The following ADCK1 variants were observed in gnomAD, a reference collection of about 807,000 sequenced individuals.
ADCK1 encodes aarF domain containing kinase 1.
A neutral mutation model predicts 52.3 loss-of-function variants in ADCK1; 41 were observed. That is an observed-to-expected ratio of 0.78 (90% CI 0.61 to 1.02). The LOEUF (loss-of-function observed/expected upper bound fraction) is 1.02. Ranked by LOEUF, ADCK1 falls within the 50% of genes least tolerant of loss-of-function variation. ADCK1 has a pLI of 0.00. For missense variants in ADCK1, 658 were observed against 679.5 expected (o/e 0.97, Z 0.35); for synonymous variants, 250 against 274.6 (o/e 0.91, Z 0.89).
At chr14:77,912,294 C>T (rs556102971) in intron 7 of ADCK1, among the ~76,000 whole-genome samples, 1 of 152,296 alleles carries the variant, frequency 6.6e-6, no homozygotes, top group South Asian at 2.1e-4. Context: ...CTATGGGCCA[C>T]TATGGTGCTC....
rs369198409 is a variant in ADCK1, at chr14:77,871,358, ACTT to A, written c.423+12086_423+12088del. 8.0e-3 allele frequency among the ~76,000 whole-genome samples: 1,214 copies of A among 151,780 alleles called. 7 individuals carry two copies. The highest frequency in any genetic ancestry group is 0.013 in the Non-Finnish European group (889 of 67,916). On this transcript the variant is annotated intron_variant, in intron 4 of 10. Coordinates refer to ENST00000238561, the MANE Select transcript of ADCK1 (RefSeq NM_020421.4). ...TATTCATTCATACACCAACTTCCTAACTTCTTCTTTTTTTTTTGAGACAGAGTC... is the reference window on the plus strand; with the variant it reads ...TATTCATTCATACACCAACTTCCTAACTTCTTTTTTTTTTGAGACAGAGTC...
In ADCK1 at chr14:77,864,096, C is replaced by T. The variant is rs572869951; in HGVS notation, c.423+4817C>T. Among the ~76,000 whole-genome samples, 6 of 152,266 alleles carry T rather than the reference C, an allele frequency of 3.9e-5. No homozygotes were observed. In the South Asian group the frequency reaches 1.2e-3, roughly 32 times the overall value. On this transcript the variant is annotated intron_variant, in intron 4 of 10. Coordinates refer to ENST00000238561, the MANE Select transcript of ADCK1 (RefSeq NM_020421.4). ...CCTCCCAGGGGAACTTATTTTACAG[C>T]TCCCCATAGTACGTAGGGACAAGCG...
rs1456794192 is a variant in ADCK1 at position 77,818,970 on chromosome 14, T to A, written c.-9T>A. The A allele has an allele frequency of 6.2e-6, 10 of 1,613,324 alleles. No individual in the cohort carries two copies. Among genetic ancestry groups the A allele is most frequent in the Non-Finnish European group, 8.5e-6 (10 of 1,179,718 alleles). ...CTCAACTTTCCTTTTTTCTGCAGGA[T>A]CTGGCGACATGGCCAGAAAGGCTCT... On this transcript the variant is annotated splice_region_variant and 5_prime_UTR_variant, in exon 2 of 11. Coordinates refer to ENST00000238561, the MANE Select transcript of ADCK1 (RefSeq NM_020421.4).
chr14:77,852,938 A>G (rs1415318985), intron 3 of ADCK1, among the ~76,000 whole-genome samples: 6 of 30,556 alleles, frequency 2.0e-4, no homozygotes, highest in East Asian at 6.5e-4. Context: ...TTTTAGAGAC[A>G]GGGTCTTGCT....
intron 7 of ADCK1, among the ~76,000 whole-genome samples, chr14:77,912,654 A>G (rs1203830854): frequency 6.6e-6 from 1 of 152,020 alleles, no homozygotes; most frequent in Non-Finnish European, 1.5e-5. Context: ...ACAGGGGCGA[A>G]AGTCTTACTC....
At chr14:77,834,311 C>T (rs1430505556) in intron 3 of ADCK1, among the ~76,000 whole-genome samples, 1 of 152,156 alleles carries the variant, frequency 6.6e-6, no homozygotes, top group Non-Finnish European at 1.5e-5. Flanking sequence ...GCTGAAATTG[C>T]CTCTTGTACC....
chr14:77,816,713 TC>T (rs1174581787), intron 1 of ADCK1, among the ~76,000 whole-genome samples: 1 of 151,586 alleles, frequency 6.6e-6, no homozygotes, highest in Non-Finnish European at 1.5e-5. Flanking sequence ...AGCAGCTTGA[TC>T]GAACCCAAAG....
At chr14:77,904,011 A>T (rs2083604447) in intron 6 of ADCK1, among the ~76,000 whole-genome samples, 1 of 152,182 alleles carries the variant, frequency 6.6e-6, no homozygotes, top group Non-Finnish European at 1.5e-5. Context: ...GGGCAGGGTC[A>T]CAAGGCTTAC....
At chr14:77,894,736 GTTTTTTTTTTTTT>G in intron 5 of ADCK1, among the ~76,000 whole-genome samples, 893 of 36,498 alleles carry the variant, frequency 0.024, 31 homozygotes, top group African/African-American at 0.056. Context: ...TTCTTTTCTT[GTTTTTTTTTTTTT>G]TTTTTTTTTT....
intron 4 of ADCK1, among the ~76,000 whole-genome samples, chr14:77,873,092 C>T (rs1325211388): frequency 1.3e-5 from 2 of 152,124 alleles, no homozygotes; most frequent in Non-Finnish European, 2.9e-5. Context: ...GTGCACCCGT[C>T]GCCTGAGCAG....
intron 4 of ADCK1, among the ~76,000 whole-genome samples, chr14:77,860,164 G>C (rs1050386955): frequency 2.6e-5 from 4 of 152,202 alleles, no homozygotes; most frequent in Admixed American, 2.6e-4. Context: ...GGGCTCTGCA[G>C]AACTTTGCTC....
intron 5 of ADCK1, among the ~76,000 whole-genome samples, chr14:77,895,146 G>C (rs922061913): frequency 1.3e-5 from 2 of 152,166 alleles, no homozygotes; most frequent in African/African-American, 4.8e-5. Flanking sequence ...GCAAGCCAAT[G>C]ACCCGATAGG....
chr14:77,926,347 G>T (rs1162389442), intron 9 of ADCK1, among the ~76,000 whole-genome samples: 1 of 152,172 alleles, frequency 6.6e-6, no homozygotes, highest in Non-Finnish European at 1.5e-5. Context: ...AAATCTGGCA[G>T]TACTTCTGCT....
intron 4 of ADCK1, among the ~76,000 whole-genome samples, chr14:77,878,766 G>A (rs1249880710): frequency 6.6e-6 from 1 of 152,228 alleles, no homozygotes; most frequent in Non-Finnish European, 1.5e-5. Flanking sequence ...ATGTCACCCT[G>A]TGAGGCTATA....
chr14:77,813,534 C>G (rs935748355), intron 1 of ADCK1, among the ~76,000 whole-genome samples: 1 of 152,206 alleles, frequency 6.6e-6, no homozygotes, highest in East Asian at 1.9e-4. Context: ...TGGTCTCAAA[C>G]TCCTGACCTT....
intron 3 of ADCK1, among the ~76,000 whole-genome samples, chr14:77,843,035 G>A (rs569055567): frequency 1.3e-5 from 2 of 151,924 alleles, no homozygotes; most frequent in Non-Finnish European, 2.9e-5. Flanking sequence ...GATCACAGGT[G>A]TGTGCCACTA....
intron 1 of ADCK1, among the ~76,000 whole-genome samples, chr14:77,814,344 G>A (rs1163904257): frequency 2.0e-5 from 3 of 151,620 alleles, no homozygotes; most frequent in Non-Finnish European, 4.4e-5. Context: ...TTCCCAAAGT[G>A]CTGGGATTAC....
At chr14:77,866,348 C>T (rs1412534255) in intron 4 of ADCK1, among the ~76,000 whole-genome samples, 1 of 152,204 alleles carries the variant, frequency 6.6e-6, no homozygotes, top group Non-Finnish European at 1.5e-5. Flanking sequence ...CATGACTGTA[C>T]TGTTTTGCTA....
intron 2 of ADCK1, among the ~76,000 whole-genome samples, chr14:77,819,644 TTA>T (rs1221062115): frequency 6.6e-6 from 1 of 152,172 alleles, no homozygotes; most frequent in Non-Finnish European, 1.5e-5. Context: ...GTTGAATATT[TTA>T]TGTTTAGAGG....
Sources: allele counts gnomAD v4.1 joint callset (sites outside exome capture counted in the v4.1 genomes callset), GRCh38; gene constraint gnomAD v4.1.1; transcripts MANE v1.5; gene names NCBI Gene and HGNC (gene_info 2026-07-23, HGNC 2026-07-21).